NWD2: variants seen among roughly 807,000 people sequenced by gnomAD.
NWD2 encodes the protein NACHT and WD repeat domain-containing protein 2.
Under a neutral mutation model 132.7 loss-of-function variants are expected in NWD2, and 37 were observed. The ratio of observed to expected loss-of-function variants is 0.28; its 90% confidence interval spans 0.21 to 0.37. The LOEUF (loss-of-function observed/expected upper bound fraction) is 0.37. NWD2 is among the 10% of genes least tolerant of loss of function. NWD2 has a pLI of 1.00. For missense variants in NWD2, 1,592 were observed against 2,122.4 expected, an observed-to-expected ratio of 0.75 and a Z score of 4.91; for synonymous variants, 705 against 803.0, an observed-to-expected ratio of 0.88 and a Z score of 2.06.
intron 1 of NWD2, among the ~76,000 whole-genome samples, chr4:37,299,706 G>A (rs900166967): frequency 1.3e-5 from 2 of 152,118 alleles, no homozygotes; most frequent in Non-Finnish European, 2.9e-5. Context: ...TCTAATGTGG[G>A]CAGGTGAACC....
chr4:37,315,185 T>C (rs1718933447), intron 1 of NWD2, among the ~76,000 whole-genome samples: 1 of 152,128 alleles, frequency 6.6e-6, no homozygotes, highest in African/African-American at 2.4e-5. Context: ...TGAGACTTGC[T>C]TCTAGTCTAG....
intron 1 of NWD2, among the ~76,000 whole-genome samples, chr4:37,292,184 A>T (rs895761646): frequency 2.0e-5 from 3 of 152,186 alleles, no homozygotes; most frequent in Non-Finnish European, 2.9e-5. Context: ...TAGGCGCTCC[A>T]AAGATCCATG....
chr4:37,404,595 G>A (rs1720958828), intron 3 of NWD2, among the ~76,000 whole-genome samples: 1 of 152,076 alleles, frequency 6.6e-6, no homozygotes, highest in South Asian at 2.1e-4. Context: ...TTCTGATCCA[G>A]CCTATAACCT....
chr4:37,282,165 C>T lies in NWD2; in HGVS notation c.151+36947C>T, dbSNP rs147484684. On this transcript the variant is annotated intron_variant, in intron 1 of 6. Coordinates refer to ENST00000309447, the MANE Select transcript of NWD2 (RefSeq NM_001144990.2). The stretch of plus-strand genomic sequence containing the variant: ...GCATATTTCATGTAAAAAGCAACAG[C>T]TCTTTCTATGAAAGGCTATTAAAAA... Among the ~76,000 whole-genome samples, 298 of 152,312 alleles carry T rather than the reference C, an allele frequency of 2.0e-3. 1 individual carries two copies. Among genetic ancestry groups the T allele is most frequent in the African/African-American group, 6.8e-3 (283 of 41,578 alleles).
At chr4:37,252,060 G>T (rs1332707192) in intron 1 of NWD2, among the ~76,000 whole-genome samples, 1 of 152,164 alleles carries the variant, frequency 6.6e-6, no homozygotes, top group Non-Finnish European at 1.5e-5. Context: ...TGTGGAGGGG[G>T]TCAGAATGAG....
chr4:37,263,309 A>T (rs1717682732), intron 1 of NWD2, among the ~76,000 whole-genome samples: 1 of 152,178 alleles, frequency 6.6e-6, no homozygotes, highest in Non-Finnish European at 1.5e-5. Context: ...CATTCCAGGA[A>T]CATTAATGCA....
At chr4:37,360,740 T>C (rs913656313) in intron 3 of NWD2, among the ~76,000 whole-genome samples, 1 of 152,200 alleles carries the variant, frequency 6.6e-6, no homozygotes, top group African/African-American at 2.4e-5. Context: ...ATACGGCCTT[T>C]TGGAGAGAGC....
At chr4:37,318,749 G>T (rs1719010533) in intron 1 of NWD2, among the ~76,000 whole-genome samples, 1 of 151,738 alleles carries the variant, frequency 6.6e-6, no homozygotes, top group African/African-American at 2.4e-5. Flanking sequence ...ATGTTCCTAT[G>T]TTAATTCACT....
chr4:37,261,686 T>C (rs2109259448), intron 1 of NWD2, among the ~76,000 whole-genome samples: 1 of 152,342 alleles, frequency 6.6e-6, no homozygotes. Context: ...GCTCACATTC[T>C]GATGGGGGGA....
At position 37,444,325 on chromosome 4, in the gene NWD2, C is replaced by T. The variant is rs1273375761; in HGVS notation, c.2337C>T (p.Asp779=). Reference sequence around the variant, plus strand: ...GGAGGAAAGCCTTCTGCCTTGAGGACCCCTACTTGAATGGCTGCCTTGACT... The same window carrying T: ...GGAGGAAAGCCTTCTGCCTTGAGGATCCCTACTTGAATGGCTGCCTTGACT... ...GGRRKAFCLE[D]PYLNGCLDLE... is the part of the protein sequence containing the mutation. Residue 779 remains aspartate, a synonymous_variant, in exon 7 of 7, where the codon GAC becomes GAT. Coordinates refer to ENST00000309447, the MANE Select transcript of NWD2 (RefSeq NM_001144990.2). The surrounding 1 kb of genome is among the most constrained non-coding windows in gnomAD (Gnocchi z 4.8). 3.9e-6 allele frequency: 6 copies of T among 1,551,840 alleles called. No individual in the cohort carries two copies. Among genetic ancestry groups the T allele is most frequent in the Non-Finnish European group, 5.2e-6 (6 of 1,147,022 alleles).
chr4:37,420,392 G>C (rs1711771137), intron 3 of NWD2, among the ~76,000 whole-genome samples: 1 of 152,118 alleles, frequency 6.6e-6, no homozygotes, highest in South Asian at 2.1e-4. Flanking sequence ...GCTCTCCTAG[G>C]AGAAAGGCAC....
chr4:37,427,730 G>T (rs1362657797), intron 3 of NWD2, among the ~76,000 whole-genome samples: 1 of 152,212 alleles, frequency 6.6e-6, no homozygotes, highest in South Asian at 2.1e-4. Context: ...CAGTACTGAG[G>T]AGGCTTGAGC....
At chr4:37,430,357 A>G (rs1712134604) in intron 3 of NWD2, among the ~76,000 whole-genome samples, 1 of 152,238 alleles carries the variant, frequency 6.6e-6, no homozygotes, top group African/African-American at 2.4e-5. Flanking sequence ...TGTGATATGC[A>G]GTCTCATTTC....
intron 3 of NWD2, among the ~76,000 whole-genome samples, chr4:37,385,253 G>A (rs1720536482): frequency 6.6e-6 from 1 of 152,158 alleles, no homozygotes; most frequent in Admixed American, 6.5e-5. Context: ...TAGGGGATCA[G>A]TAAATATTAC....
At chr4:37,436,439 C>A (rs1712323755) in intron 5 of NWD2, among the ~76,000 whole-genome samples, 1 of 152,096 alleles carries the variant, frequency 6.6e-6, no homozygotes, top group Non-Finnish European at 1.5e-5. Context: ...CCATACCAGG[C>A]ATTCTGTGTA....
intron 1 of NWD2, among the ~76,000 whole-genome samples, chr4:37,323,395 A>G (rs920806293): frequency 3.3e-5 from 5 of 152,208 alleles, no homozygotes; most frequent in African/African-American, 1.2e-4. Context: ...ATGAGCAGAT[A>G]CTTCTTAAAA....
intron 3 of NWD2, among the ~76,000 whole-genome samples, chr4:37,414,475 A>C (rs575886750): frequency 1.3e-5 from 2 of 151,836 alleles, no homozygotes; most frequent in East Asian, 1.9e-4. Flanking sequence ...AAAAAAAAAA[A>C]CCCAAAACCT....
intron 3 of NWD2, among the ~76,000 whole-genome samples, chr4:37,409,467 TAAAAA>T (rs1273922228): frequency 1.3e-5 from 2 of 150,978 alleles, no homozygotes; most frequent in African/African-American, 4.9e-5. Flanking sequence ...GGAAAAAAAA[TAAAAA>T]GGAATGAACA....
chr4:37,429,366 G>A (rs1712106175), intron 3 of NWD2, among the ~76,000 whole-genome samples: 1 of 152,116 alleles, frequency 6.6e-6, no homozygotes, highest in Admixed American at 6.5e-5. Flanking sequence ...CCAGGCTGGA[G>A]TGCAGTGGCG....
Sources: gnomAD v4.1 joint callset for allele counts (sites outside exome capture counted in the v4.1 genomes callset) on GRCh38, gnomAD v4.1.1 for gene constraint, Gnocchi (gnomAD v3.1) non-coding constraint, MANE v1.5 for transcripts, NCBI Gene and HGNC (gene_info 2026-07-23, HGNC 2026-07-21) for gene names.